Variants in JAK1 observed in about 807,000 individuals in gnomAD.
The protein encoded by JAK1 is tyrosine-protein kinase JAK1.
Under a neutral mutation model 136.6 loss-of-function variants are expected in JAK1, and 16 were observed. The ratio of observed to expected loss-of-function variants is 0.12; its 90% confidence interval spans 0.08 to 0.18. The LOEUF is 0.18. Among genes scored for constraint, JAK1 ranks in the 10% least tolerant of loss-of-function variants. The pLI is 1.00. For synonymous variants in JAK1, 492 were observed against 519.5 expected, an observed-to-expected ratio of 0.95 and a Z score of 0.72; for missense variants, 859 against 1,450.1, an observed-to-expected ratio of 0.59 and a Z score of 6.62.
chr1:64,863,545 AAAAG>A (rs1406934507), intron 8 of JAK1, among the ~76,000 whole-genome samples: 1 of 152,208 alleles, frequency 6.6e-6, no homozygotes, highest in Admixed American at 6.5e-5. Context: ...TGTTTAAAAA[AAAAG>A]GAGGGGAGAA....
intron 20 of JAK1, 70 bp from the exon 21 acceptor site, chr1:64,838,659 G>A: frequency 6.5e-7 from 1 of 1,546,876 alleles, no homozygotes; most frequent in Non-Finnish European, 8.8e-7. Context: ...CAAGGGCACA[G>A]GATATGAGAC....
chr1:65,018,358 GA>G (rs1173127845), intron 2 of JAK1, among the ~76,000 whole-genome samples: 1 of 151,930 alleles, frequency 6.6e-6, no homozygotes, highest in Non-Finnish European at 1.5e-5. Context: ...GTGTAAAATA[GA>G]AAAACTATGT....
chr1:64,889,730 C>T (rs1557667092), intron 1 of JAK1, among the ~76,000 whole-genome samples: 2 of 152,212 alleles, frequency 1.3e-5, no homozygotes, highest in African/African-American at 4.8e-5. Flanking sequence ...AACTGGAACT[C>T]TCTTAAATTT....
chr1:64,982,574 G>A (rs1036383582), intron 2 of JAK1, among the ~76,000 whole-genome samples: 1 of 152,104 alleles, frequency 6.6e-6, no homozygotes, highest in Non-Finnish European at 1.5e-5. Context: ...GGATTTGGGG[G>A]AATGGAACCA....
intron 1 of JAK1, among the ~76,000 whole-genome samples, chr1:64,907,993 T>G (rs1238991110): frequency 6.6e-6 from 1 of 152,206 alleles, no homozygotes; most frequent in Non-Finnish European, 1.5e-5. Flanking sequence ...ACTTGAGACA[T>G]GCTCACAAGT....
intron 2 of JAK1, among the ~76,000 whole-genome samples, chr1:65,000,568 C>T (rs913960533): frequency 6.6e-6 from 1 of 151,636 alleles, no homozygotes; most frequent in Non-Finnish European, 1.5e-5. Flanking sequence ...CTTCCGGACA[C>T]AATTTTTAAG....
chr1:64,914,046 G>A (rs1445563695), intron 1 of JAK1, among the ~76,000 whole-genome samples: 1 of 152,186 alleles, frequency 6.6e-6, no homozygotes, highest in Non-Finnish European at 1.5e-5. Context: ...ACCATGCTGA[G>A]TAGCCAAGAC....
intron 2 of JAK1, among the ~76,000 whole-genome samples, chr1:65,040,598 C>T (rs975517465): frequency 6.6e-6 from 1 of 151,456 alleles, no homozygotes; most frequent in Admixed American, 6.6e-5. Flanking sequence ...TTCTACGGAC[C>T]ATTATTCTGT....
intron 1 of JAK1, among the ~76,000 whole-genome samples, chr1:64,939,519 A>G (rs1350124679): frequency 2.0e-5 from 3 of 152,214 alleles, no homozygotes; most frequent in Non-Finnish European, 2.9e-5. Context: ...AGACTTACTC[A>G]TTTATAAAAT....
chr1:65,047,823 T>TAC (rs1019761015), intron 1 of JAK1, among the ~76,000 whole-genome samples: 5 of 152,110 alleles, frequency 3.3e-5, no homozygotes, highest in African/African-American at 1.2e-4. Flanking sequence ...GTGGACGTAC[T>TAC]GTGTGCAAGT....
intron 1 of JAK1, among the ~76,000 whole-genome samples, chr1:64,910,860 A>AAAAAAAAAAC (rs1645273375): frequency 6.6e-6 from 1 of 151,790 alleles, no homozygotes; most frequent in Admixed American, 6.6e-5. Context: ...AAAAAAAAAA[A>AAAAAAAAAAC]AAATCAACAT....
rs748771616 is a variant in JAK1, at chr1:64,860,267, TGA to T, written c.1177-7_1177-6del. ...GTGGGAAGAGAGCTTCAGTTCCTGT[TGA>T]GAGAGAAGAAATTCCCACGGTTACA... On this transcript the variant is annotated splice_region_variant and splice_polypyrimidine_tract_variant and intron_variant, in intron 8 of 24. Transcript: ENST00000342505. 2 of 1,599,628 alleles carry T rather than the reference TGA, an allele frequency of 1.3e-6. No individual in the cohort carries two copies. The highest frequency in any genetic ancestry group is 1.7e-6 in the Non-Finnish European group (2 of 1,171,384).
chr1:64,934,495 A>C (rs1216057331), intron 1 of JAK1, among the ~76,000 whole-genome samples: 1 of 152,190 alleles, frequency 6.6e-6, no homozygotes, highest in East Asian at 1.9e-4. Context: ...CAGTAAAGAA[A>C]AACAACAGTG....
intron 2 of JAK1, among the ~76,000 whole-genome samples, chr1:65,036,676 A>AG (rs34069152): frequency 0.14 from 21,286 of 152,184 alleles, 1,882 homozygotes; most frequent in East Asian, 0.32. Flanking sequence ...AAGTATTTCA[A>AG]GAGTAAAGAA....
chr1:65,024,660 CA>C (rs11349903), intron 2 of JAK1, among the ~76,000 whole-genome samples: 18,373 of 70,108 alleles, frequency 0.26, 1,051 homozygotes, highest in East Asian at 0.39. Context: ...TGGTCCAAAG[CA>C]AAAAAAAAAA....
intron 1 of JAK1, among the ~76,000 whole-genome samples, chr1:65,064,041 C>T (rs1425909713): frequency 6.6e-6 from 1 of 152,054 alleles, no homozygotes; most frequent in East Asian, 1.9e-4. Flanking sequence ...ATGGGCTATT[C>T]TACTTTTTTT....
intron 9 of JAK1, among the ~76,000 whole-genome samples, chr1:64,858,183 G>A (rs946177826): frequency 6.6e-6 from 1 of 152,230 alleles, no homozygotes; most frequent in African/African-American, 2.4e-5. Context: ...AGGCCATGTT[G>A]TTTATTGTTG....
At chr1:64,932,546 G>C (rs1473965202) in intron 1 of JAK1, among the ~76,000 whole-genome samples, 5 of 152,146 alleles carry the variant, frequency 3.3e-5, no homozygotes, top group Non-Finnish European at 7.3e-5. Context: ...TCCAACAAAC[G>C]TTTATTAAGC....
intron 2 of JAK1, chr1:64,993,686 C>T (rs147549852): frequency 2.0e-5 from 3 of 152,030 alleles, no homozygotes; most frequent in African/African-American, 7.2e-5. Context: ...GGCTCTGTCG[C>T]CCAGGCTAAA....
Sources: gnomAD v4.1 joint callset for allele counts (sites outside exome capture counted in the v4.1 genomes callset) on GRCh38, gnomAD v4.1.1 for gene constraint, MANE v1.5 for transcripts, NCBI Gene and HGNC (gene_info 2026-07-23, HGNC 2026-07-21) for gene names.